Variants in NCKAP5 observed in about 807,000 individuals in gnomAD.
The protein encoded by NCKAP5 is NCK associated protein 5.
NCKAP5 carries 92 observed loss-of-function variants against 167.0 expected under a neutral mutation model. That is an observed-to-expected ratio of 0.55 (90% CI 0.47 to 0.66). NCKAP5 has a LOEUF of 0.66. Ranked by LOEUF, NCKAP5 falls within the 30% of genes least tolerant of loss-of-function variation. NCKAP5 has a pLI of 0.00. For synonymous variants in NCKAP5, 891 were observed against 877.4 expected (o/e 1.02, Z -0.27); for missense variants, 2,378 against 2,315.0 (o/e 1.03, Z -0.56).
rs545818149 is a variant in NCKAP5 at position 133,568,381 on chromosome 2, C to A, written c.-295G>T. 2.0e-5 allele frequency: 3 copies of A among 152,282 alleles called. No individual in the cohort carries two copies. In the East Asian group the frequency reaches 5.8e-4, roughly 29 times the overall value. 9.4% of individuals were successfully genotyped at this position (152,282 alleles called of 1,614,324 possible). On this transcript the variant is annotated 5_prime_UTR_variant, in exon 1 of 20. Transcript: ENST00000409261. ...AACAGACTCGGTTTTCCTGAACATC[C>A]ACAGCGGCTGGGAAGTCCTGCCGTG...
chr2:133,483,089 T>G (rs541883675), intron 3 of NCKAP5, among the ~76,000 whole-genome samples: 6 of 152,132 alleles, frequency 3.9e-5, no homozygotes, highest in South Asian at 2.1e-4. Context: ...TATCTATCTA[T>G]CTAGCTATTG....
chr2:133,657,966 CT>C, the NCKAP5 span, among the ~76,000 whole-genome samples: 1 of 152,090 alleles, frequency 6.6e-6, no homozygotes, highest in Non-Finnish European at 1.5e-5. Context: ...AAAACAAGCC[CT>C]GGAAAGAACT....
chr2:133,387,216 C>T (rs1177458090), intron 3 of NCKAP5, among the ~76,000 whole-genome samples: 5 of 152,138 alleles, frequency 3.3e-5, no homozygotes, highest in Non-Finnish European at 7.3e-5. Flanking sequence ...GTGCTTCCTT[C>T]AGGAGCTCTT....
chr2:132,700,039 G>C (rs1201208847), intron 19 of NCKAP5, among the ~76,000 whole-genome samples: 1 of 152,150 alleles, frequency 6.6e-6, no homozygotes, highest in Non-Finnish European at 1.5e-5. Context: ...GTGTGAGATG[G>C]TATCTCATTG....
chr2:133,347,054 C>T (rs1378099458), intron 3 of NCKAP5, among the ~76,000 whole-genome samples: 1 of 152,192 alleles, frequency 6.6e-6, no homozygotes, highest in Admixed American at 6.5e-5. Flanking sequence ...TATAAAACAA[C>T]CTTACTCCCT....
chr2:133,578,510 C>T, the NCKAP5 span, among the ~76,000 whole-genome samples: 2 of 152,168 alleles, frequency 1.3e-5, no homozygotes, highest in African/African-American at 2.4e-5. Flanking sequence ...CCTTCTTCCC[C>T]AAGTGGCCTA....
At chr2:133,038,842 A>G (rs1050312719) in intron 6 of NCKAP5, among the ~76,000 whole-genome samples, 2 of 152,188 alleles carry the variant, frequency 1.3e-5, no homozygotes, top group African/African-American at 4.8e-5. Flanking sequence ...CATGTAGGTA[A>G]TAGTCACAGG....
the NCKAP5 span, among the ~76,000 whole-genome samples, chr2:133,656,272 CAAAA>C: frequency 5.5e-4 from 77 of 140,476 alleles, no homozygotes; most frequent in African/African-American, 1.4e-3. Flanking sequence ...AACAAACAAA[CAAAA>C]AAAAAAAAAA....
intron 6 of NCKAP5, among the ~76,000 whole-genome samples, chr2:132,998,283 A>G (rs1290888149): frequency 6.6e-6 from 1 of 152,214 alleles, no homozygotes; most frequent in Non-Finnish European, 1.5e-5. Context: ...AAAAATATCT[A>G]TTCACCTTTC....
chr2:133,467,437 T>C (rs543595325), intron 3 of NCKAP5, among the ~76,000 whole-genome samples: 1 of 152,200 alleles, frequency 6.6e-6, no homozygotes, highest in Admixed American at 6.5e-5. Context: ...GATTTTTGCA[T>C]CAATGTTCAT....
chr2:132,684,142 C>T (rs1685628641), intron 19 of NCKAP5, among the ~76,000 whole-genome samples: 1 of 152,194 alleles, frequency 6.6e-6, no homozygotes. Context: ...ATTTTTGTCT[C>T]ACATGCACAG....
At chr2:133,430,763 G>T (rs867616523) in intron 3 of NCKAP5, among the ~76,000 whole-genome samples, 1 of 151,632 alleles carries the variant, frequency 6.6e-6, no homozygotes, top group Non-Finnish European at 1.5e-5. Context: ...AACTGTGTAT[G>T]TGCATGGTTG....
In NCKAP5 at chr2:133,139,063, A is replaced by C. The variant is rs539732798; in HGVS notation, c.208-8952T>G. Reference sequence around the variant, plus strand: ...GGCATTGGCTCATGGATCTCTCTCTACATGTGCTCCTAGACCTCCATATGT... The same window carrying C: ...GGCATTGGCTCATGGATCTCTCTCTCCATGTGCTCCTAGACCTCCATATGT... On this transcript the variant is annotated intron_variant, in intron 5 of 19. Coordinates refer to ENST00000409261, the MANE Select transcript of NCKAP5 (RefSeq NM_207363.3). Among the ~76,000 whole-genome samples the C allele has an allele frequency of 2.0e-5, 3 of 152,228 alleles. No individual in the cohort carries two copies. The South Asian group carries it at 6.2e-4, about 32-fold the overall frequency.
intron 3 of NCKAP5, among the ~76,000 whole-genome samples, chr2:133,402,001 A>G (rs1688132015): frequency 6.6e-6 from 1 of 152,142 alleles, no homozygotes; most frequent in South Asian, 2.1e-4. Context: ...ATGAGACCAT[A>G]AAATCTCTTC....
chr2:133,177,858 C>A (rs2084538534), intron 5 of NCKAP5, among the ~76,000 whole-genome samples: 1 of 152,168 alleles, frequency 6.6e-6, no homozygotes, highest in South Asian at 2.1e-4. Flanking sequence ...CATCAGCCCA[C>A]CCCCAACAAT....
Position 133,240,757 on chromosome 2 carries a change from C to A in NCKAP5, c.144-26978G>T, listed in dbSNP as rs1320843436. Among the ~76,000 whole-genome samples, 4 of 152,286 alleles carry A rather than the reference C, an allele frequency of 2.6e-5. No homozygotes were observed. The East Asian group carries it at 7.7e-4, about 29-fold the overall frequency. Reference sequence around the variant, plus strand: ...GCTGGCATATGGCAGTTCCACCAACCACCTCCATATAGAACACTAGGTGAA... The same window carrying A: ...GCTGGCATATGGCAGTTCCACCAACAACCTCCATATAGAACACTAGGTGAA... On this transcript the variant is annotated intron_variant, in intron 4 of 19. Coordinates refer to ENST00000409261, the MANE Select transcript of NCKAP5 (RefSeq NM_207363.3).
At chr2:133,498,480 A>AGGCAGGCAGGC (rs1682162161) in intron 3 of NCKAP5, among the ~76,000 whole-genome samples, 9 of 101,804 alleles carry the variant, frequency 8.8e-5, no homozygotes, top group African/African-American at 3.9e-4. Flanking sequence ...GGAAGGAAGG[A>AGGCAGGCAGGC]AGGCAGGCAG....
At chr2:133,377,180 T>C (rs1180900126) in intron 3 of NCKAP5, among the ~76,000 whole-genome samples, 1 of 152,214 alleles carries the variant, frequency 6.6e-6, no homozygotes, top group African/African-American at 2.4e-5. Flanking sequence ...GACACCCATA[T>C]ACAGCTATTA....
the NCKAP5 span, among the ~76,000 whole-genome samples, chr2:133,615,360 G>T: frequency 4.6e-5 from 7 of 151,624 alleles, no homozygotes; most frequent in African/African-American, 1.7e-4. Flanking sequence ...CGGGCAAATT[G>T]GATAAAGAGT....
Sources: allele counts gnomAD v4.1 joint callset (sites outside exome capture counted in the v4.1 genomes callset), GRCh38; gene constraint gnomAD v4.1.1; transcripts MANE v1.5; gene names NCBI Gene and HGNC (gene_info 2026-07-23, HGNC 2026-07-21).